AKT3: variants seen among roughly 807,000 people sequenced by gnomAD.
AKT3 encodes AKT serine/threonine kinase 3.
Under a neutral mutation model 65.3 loss-of-function variants are expected in AKT3, and 15 were observed. The ratio of observed to expected loss-of-function variants is 0.23; its 90% CI spans 0.15 to 0.35. The LOEUF (loss-of-function observed/expected upper bound fraction) is 0.35. Ranked by LOEUF, AKT3 falls within the 10% of genes least tolerant of loss-of-function variation. The pLI is 1.00. For synonymous variants in AKT3, 206 were observed against 183.8 expected, an observed-to-expected ratio of 1.12 and a Z score of -0.98; for missense variants, 243 against 576.5, an observed-to-expected ratio of 0.42 and a Z score of 5.92.
chr1:243,793,601 C>T (rs12403316), intron 2 of AKT3: 33,328 of 151,870 alleles, frequency 0.22, 3,942 homozygotes, highest in East Asian at 0.32. Context: ...CAGTGAAACC[C>T]TGTATCTATA....
intron 5 of AKT3, 38 bp from the exon 6 acceptor site, chr1:243,637,780 T>G: frequency 7.1e-7 from 1 of 1,399,262 alleles, no homozygotes; most frequent in Admixed American, 2.1e-5. Context: ...TATGAAGTAT[T>G]TGATGCAATT....
At chr1:243,608,926 G>A (rs1677655157) in intron 8 of AKT3, among the ~76,000 whole-genome samples, 1 of 151,252 alleles carries the variant, frequency 6.6e-6, no homozygotes, top group African/African-American at 2.4e-5. Flanking sequence ...CTAATTTTTT[G>A]TATTTTTAGT....
In AKT3 at chr1:243,527,587, C is replaced by T. The variant is rs115556705; in HGVS notation, c.1252-15161G>A. On this transcript the variant is annotated intron_variant, in intron 12 of 13. Coordinates refer to ENST00000673466, the MANE Select transcript of AKT3 (RefSeq NM_005465.7). Reference sequence around the variant, plus strand: ...AACCTCAGCTGGGCCCTCCAGCAATCGGTACCTCTTTATAGGTCCCTACTT... The same window carrying T: ...AACCTCAGCTGGGCCCTCCAGCAATTGGTACCTCTTTATAGGTCCCTACTT... 9.5e-3 allele frequency among the ~76,000 whole-genome samples: 1,451 copies of T among 152,174 alleles called. 27 individuals carry two copies. Among genetic ancestry groups the T allele is most frequent in the African/African-American group, 0.033 (1,381 of 41,514 alleles).
At chr1:243,765,569 A>T (rs535089463) in intron 2 of AKT3, among the ~76,000 whole-genome samples, 2 of 152,284 alleles carry the variant, frequency 1.3e-5, no homozygotes, top group South Asian at 4.1e-4. Flanking sequence ...AACAGGATAA[A>T]TAAGTTATAT....
At chr1:243,632,678 C>A (rs762092318) in intron 6 of AKT3, among the ~76,000 whole-genome samples, 1 of 152,204 alleles carries the variant, frequency 6.6e-6, no homozygotes, top group Non-Finnish European at 1.5e-5. Flanking sequence ...CTAAGTTCAA[C>A]TACATGGAAA....
At chr1:243,668,470 A>G (rs1164435339) in intron 3 of AKT3, among the ~76,000 whole-genome samples, 1 of 152,216 alleles carries the variant, frequency 6.6e-6, no homozygotes, top group Non-Finnish European at 1.5e-5. Flanking sequence ...ATATAAAGTC[A>G]TCGGGAATAA....
intron 6 of AKT3, among the ~76,000 whole-genome samples, chr1:243,628,867 C>T (rs1477152485): frequency 6.6e-6 from 1 of 152,236 alleles, no homozygotes; most frequent in Non-Finnish European, 1.5e-5. Context: ...GTTCTCCTTG[C>T]AATGATGGAT....
chr1:243,683,419 A>T (rs918171400), intron 3 of AKT3, among the ~76,000 whole-genome samples: 4 of 152,154 alleles, frequency 2.6e-5, no homozygotes, highest in African/African-American at 9.7e-5. Flanking sequence ...GATGACTCCT[A>T]TGTTTCCAAA....
chr1:243,639,274 T>C (rs945448380), intron 5 of AKT3, among the ~76,000 whole-genome samples: 3 of 152,226 alleles, frequency 2.0e-5, no homozygotes, highest in East Asian at 1.9e-4. Flanking sequence ...CAGGCCCAGA[T>C]GGTTTCACTG....
intron 2 of AKT3, chr1:243,814,778 T>C (rs758762271): frequency 6.6e-6 from 1 of 152,220 alleles, no homozygotes; most frequent in Non-Finnish European, 1.5e-5. Flanking sequence ...AATAAGCCTT[T>C]ATGATCTCAC....
intron 2 of AKT3, among the ~76,000 whole-genome samples, chr1:243,701,664 G>GGAA (rs1685468088): frequency 4.4e-5 from 1 of 22,712 alleles, no homozygotes; most frequent in Non-Finnish European, 1.1e-4. Flanking sequence ...AAGAAAAAAT[G>GGAA]CAAAAAAAAA....
chr1:243,721,822 T>C (rs1686931318), intron 2 of AKT3, among the ~76,000 whole-genome samples: 2 of 152,132 alleles, frequency 1.3e-5, no homozygotes, highest in Non-Finnish European at 2.9e-5. Flanking sequence ...TAGTATTAGA[T>C]AACACTCCTG....
intron 9 of AKT3, among the ~76,000 whole-genome samples, chr1:243,567,373 T>A (rs1674233311): frequency 6.6e-6 from 1 of 151,892 alleles, no homozygotes; most frequent in African/African-American, 2.4e-5. Context: ...AGTGGCACAA[T>A]CACAGCTCAC....
downstream of AKT3, among the ~76,000 whole-genome samples, chr1:243,494,889 TAATTCCGTC>T (rs929597361): frequency 6.6e-6 from 1 of 151,868 alleles, no homozygotes; most frequent in Admixed American, 6.6e-5. Context: ...TAAAAGACTG[TAATTCCGTC>T]ACATTACAAC....
At chr1:243,704,377 G>C (rs537612392) in intron 2 of AKT3, among the ~76,000 whole-genome samples, 1 of 152,016 alleles carries the variant, frequency 6.6e-6, no homozygotes, top group Admixed American at 6.6e-5. Context: ...CCCAGCCCTC[G>C]TGGAGCTTTA....
At chr1:243,569,216 T>C (rs1674382357) in intron 9 of AKT3, among the ~76,000 whole-genome samples, 1 of 152,232 alleles carries the variant, frequency 6.6e-6, no homozygotes, top group Non-Finnish European at 1.5e-5. Context: ...TGAATGACCA[T>C]GGAATGCTGA....
At chr1:243,757,766 CTT>C (rs34770465) in intron 2 of AKT3, among the ~76,000 whole-genome samples, 3 of 147,568 alleles carry the variant, frequency 2.0e-5, no homozygotes, top group African/African-American at 7.5e-5. Flanking sequence ...CTAATTAATA[CTT>C]TTTTTTTTTT....
At chr1:243,508,804 C>G (rs1669838069) in intron 13 of AKT3, among the ~76,000 whole-genome samples, 1 of 151,816 alleles carries the variant, frequency 6.6e-6, no homozygotes, top group African/African-American at 2.4e-5. Flanking sequence ...TGGCTGGAAT[C>G]ACAGGAATGC....
At chr1:243,612,831 G>C (rs1044455419) in intron 8 of AKT3, 2 of 151,840 alleles carry the variant, frequency 1.3e-5, no homozygotes, top group Non-Finnish European at 2.9e-5. Context: ...ACAAGGTCAG[G>C]AGATCGAGAC....
Sources: gnomAD v4.1 joint callset for allele counts (sites outside exome capture counted in the v4.1 genomes callset) on GRCh38, gnomAD v4.1.1 for gene constraint, MANE v1.5 for transcripts, NCBI Gene and HGNC (gene_info 2026-07-23, HGNC 2026-07-21) for gene names.